The following TACR1 variants were observed in gnomAD, a reference collection of about 807,000 sequenced individuals.
TACR1 encodes tachykinin receptor 1.
A neutral mutation model predicts 35.8 loss-of-function variants in TACR1; 25 were observed. The observed-to-expected ratio is 0.70, with a 90% CI of 0.51 to 0.98. TACR1 has a LOEUF of 0.98. Among genes scored for constraint, TACR1 ranks in the 50% least tolerant of loss-of-function variants. TACR1 has a pLI of 0.00. For missense variants in TACR1, 478 were observed against 522.9 expected (o/e 0.91, Z 0.84); for synonymous variants, 195 against 206.7 (o/e 0.94, Z 0.48).
chr2:75,131,189 C>A (rs895781550), intron 1 of TACR1, among the ~76,000 whole-genome samples: 1 of 151,784 alleles, frequency 6.6e-6, no homozygotes, highest in African/African-American at 2.4e-5. Flanking sequence ...CCTGGGTTCA[C>A]GTCATTCTCC....
chr2:75,168,205 A>C (rs1675191088), intron 1 of TACR1, among the ~76,000 whole-genome samples: 1 of 152,222 alleles, frequency 6.6e-6, no homozygotes, highest in Non-Finnish European at 1.5e-5. Flanking sequence ...TAAACGAGCT[A>C]TGACCATATA....
At chr2:75,127,377 AATT>A (rs1411142053) in intron 1 of TACR1, among the ~76,000 whole-genome samples, 1 of 152,154 alleles carries the variant, frequency 6.6e-6, no homozygotes, top group Non-Finnish European at 1.5e-5. Flanking sequence ...ATTATTAATT[AATT>A]ATTGTTTATT....
intron 2 of TACR1, among the ~76,000 whole-genome samples, chr2:75,092,420 T>TA (rs996876250): frequency 1.7e-4 from 25 of 151,282 alleles, no homozygotes; most frequent in African/African-American, 4.4e-4. Flanking sequence ...TCTTTGGGGT[T>TA]AAAAAAAAAG....
chr2:75,127,615 G>A (rs1194375621), intron 1 of TACR1, among the ~76,000 whole-genome samples: 1 of 152,196 alleles, frequency 6.6e-6, no homozygotes, highest in Non-Finnish European at 1.5e-5. Context: ...AAGTGAAGGA[G>A]GGGATGCAGT....
chr2:75,068,460 GCACA>G (rs1672811268), intron 2 of TACR1, among the ~76,000 whole-genome samples: 10 of 152,134 alleles, frequency 6.6e-5, no homozygotes, highest in Admixed American at 6.5e-4. Flanking sequence ...CATCATAAGG[GCACA>G]GCTGGATGGA....
At chr2:75,161,726 A>T (rs535563534) in intron 1 of TACR1, among the ~76,000 whole-genome samples, 2 of 152,280 alleles carry the variant, frequency 1.3e-5, no homozygotes, top group Middle Eastern at 6.8e-3. Context: ...TACATGAAAC[A>T]TTAATGGTTA....
intron 2 of TACR1, among the ~76,000 whole-genome samples, chr2:75,105,177 T>C (rs1673614173): frequency 6.6e-6 from 1 of 152,088 alleles, no homozygotes; most frequent in Non-Finnish European, 1.5e-5. Context: ...ATGTGATAAA[T>C]ATACACAATG....
At chr2:75,071,712 A>G (rs1314164470) in intron 2 of TACR1, among the ~76,000 whole-genome samples, 2 of 152,226 alleles carry the variant, frequency 1.3e-5, no homozygotes, top group Non-Finnish European at 2.9e-5. Context: ...CAAACTCCTT[A>G]GCACGACAGT....
chr2:75,115,654 C>G (rs111779235), intron 2 of TACR1, among the ~76,000 whole-genome samples: 7,376 of 152,116 alleles, frequency 0.048, 585 homozygotes, highest in African/African-American at 0.17. Flanking sequence ...CGCCTGTAAT[C>G]CCAGCACTTT....
At chr2:75,054,736 C>A (rs1400580068) in intron 2 of TACR1, among the ~76,000 whole-genome samples, 1 of 151,916 alleles carries the variant, frequency 6.6e-6, no homozygotes, top group Non-Finnish European at 1.5e-5. Flanking sequence ...TGGAGATACT[C>A]AGAATTCCTA....
chr2:75,148,549 C>A (rs888612516), intron 1 of TACR1, among the ~76,000 whole-genome samples: 1 of 152,148 alleles, frequency 6.6e-6, no homozygotes, highest in Non-Finnish European at 1.5e-5. Context: ...ATATCCTTTG[C>A]CCACTTTTTG....
intron 2 of TACR1, among the ~76,000 whole-genome samples, chr2:75,091,542 A>AT (rs1430655857): frequency 6.6e-6 from 1 of 152,216 alleles, no homozygotes; most frequent in Non-Finnish European, 1.5e-5. Context: ...ACTAACGTTC[A>AT]TAACTGTTAT....
At chr2:75,069,968 GAT>G (rs199911242) in intron 2 of TACR1, among the ~76,000 whole-genome samples, 36,756 of 151,558 alleles carry the variant, frequency 0.24, 5,707 homozygotes, top group African/African-American at 0.41. Flanking sequence ...ACATTCACAG[GAT>G]GAGGAGTCAT....
At chr2:75,174,639 T>C (rs1675370157) in intron 1 of TACR1, among the ~76,000 whole-genome samples, 2 of 152,232 alleles carry the variant, frequency 1.3e-5, no homozygotes, top group African/African-American at 4.8e-5. Flanking sequence ...GGGGGGACTA[T>C]TGTAATAGCA....
intron 1 of TACR1, among the ~76,000 whole-genome samples, chr2:75,174,363 T>C (rs1264262284): frequency 6.6e-6 from 1 of 152,122 alleles, no homozygotes; most frequent in African/African-American, 2.4e-5. Context: ...ATATATAGAC[T>C]AAATTATGTT....
At chr2:75,188,475 C>T (rs908851493) in intron 1 of TACR1, 2 of 152,216 alleles carry the variant, frequency 1.3e-5, no homozygotes, top group Non-Finnish European at 2.9e-5. Flanking sequence ...CTCATGAGCT[C>T]AGGCAGCTGT....
chr2:75,071,559 TC>T (rs1346570113), intron 2 of TACR1, among the ~76,000 whole-genome samples: 1 of 152,218 alleles, frequency 6.6e-6, no homozygotes, highest in African/African-American at 2.4e-5. Context: ...CTCTGCAGGC[TC>T]CTATAAACCA....
At chr2:75,068,574 A>G (rs1169760065) in intron 2 of TACR1, among the ~76,000 whole-genome samples, 3 of 152,186 alleles carry the variant, frequency 2.0e-5, no homozygotes, top group African/African-American at 7.2e-5. Flanking sequence ...GCTGACACTG[A>G]TACAGTGTTT....
chr2:75,121,539 C>G (rs1437629532), intron 1 of TACR1, among the ~76,000 whole-genome samples: 3 of 152,190 alleles, frequency 2.0e-5, no homozygotes, highest in Non-Finnish European at 4.4e-5. Flanking sequence ...TAAACAGTGT[C>G]ATCTGAATGA....
Sources: gnomAD v4.1 joint callset for allele counts (sites outside exome capture counted in the v4.1 genomes callset) on GRCh38, gnomAD v4.1.1 for gene constraint, MANE v1.5 for transcripts, NCBI Gene and HGNC (gene_info 2026-07-23, HGNC 2026-07-21) for gene names.